Variants in PTPRK observed in about 807,000 individuals in gnomAD.
PTPRK encodes the protein protein tyrosine phosphatase receptor type K.
A neutral mutation model predicts 178.0 loss-of-function variants in PTPRK; 75 were observed. That is an observed-to-expected ratio of 0.42 (90% CI 0.35 to 0.51). PTPRK has a LOEUF of 0.51. PTPRK is among the 20% of genes least tolerant of loss of function. PTPRK has a pLI of 0.02. For synonymous variants in PTPRK, 637 were observed against 620.6 expected, an observed-to-expected ratio of 1.03 and a Z score of -0.39; for missense variants, 1,441 against 1,797.8, an observed-to-expected ratio of 0.80 and a Z score of 3.59.
chr6:128,352,253 CAAAAAA>C (rs10665459), intron 2 of PTPRK, among the ~76,000 whole-genome samples: 1 of 94,986 alleles, frequency 1.1e-5, no homozygotes, highest in African/African-American at 4.2e-5. Flanking sequence ...GACTTCATCT[CAAAAAA>C]AAAAAAAAAA....
At chr6:128,462,983 T>G (rs991305715) in intron 1 of PTPRK, among the ~76,000 whole-genome samples, 1 of 152,258 alleles carries the variant, frequency 6.6e-6, no homozygotes, top group South Asian at 2.1e-4. Flanking sequence ...TTTAATTTCT[T>G]CGTTAAATAT....
intron 1 of PTPRK, among the ~76,000 whole-genome samples, chr6:128,517,489 T>C (rs1858254829): frequency 6.6e-6 from 1 of 152,222 alleles, no homozygotes; most frequent in African/African-American, 2.4e-5. Flanking sequence ...TCCTCAGATA[T>C]GACATGGGTG....
chr6:128,169,703 GACATA>G (rs1037088103), intron 7 of PTPRK, among the ~76,000 whole-genome samples: 38 of 151,440 alleles, frequency 2.5e-4, no homozygotes, highest in African/African-American at 9.0e-4. Context: ...TTAATACATA[GACATA>G]ACATAATTTA....
intron 13 of PTPRK, among the ~76,000 whole-genome samples, chr6:128,039,021 T>TA (rs1246233881): frequency 6.6e-6 from 1 of 152,192 alleles, no homozygotes; most frequent in Admixed American, 6.5e-5. Flanking sequence ...GTTTGGAATG[T>TA]AAATTTGTAT....
intron 13 of PTPRK, among the ~76,000 whole-genome samples, chr6:128,042,182 C>G (rs958606852): frequency 1.3e-5 from 2 of 152,016 alleles, no homozygotes; most frequent in Non-Finnish European, 2.9e-5. Context: ...TTCTTCCAAG[C>G]TTCTGCCCAC....
intron 1 of PTPRK, among the ~76,000 whole-genome samples, chr6:128,489,984 GCTA>G (rs1217046597): frequency 1.3e-5 from 2 of 152,032 alleles, no homozygotes; most frequent in Non-Finnish European, 2.9e-5. Flanking sequence ...ACGAAAAAAC[GCTA>G]CTACATTTTA....
At chr6:128,402,588 C>G (rs962521793) in intron 1 of PTPRK, among the ~76,000 whole-genome samples, 3 of 152,152 alleles carry the variant, frequency 2.0e-5, no homozygotes, top group Non-Finnish European at 4.4e-5. Context: ...CCTATTTCCT[C>G]TGAAATATAC....
In PTPRK at chr6:128,200,306, T is replaced by C. The variant is rs151243987; in HGVS notation, c.869-15581A>G. Among the ~76,000 whole-genome samples the C allele has an allele frequency of 8.2e-4, 125 of 152,320 alleles. 1 individual carries two copies. The highest frequency in any genetic ancestry group is 2.8e-3 in the African/African-American group (118 of 41,578). The stretch of plus-strand genomic sequence containing the variant: ...AGGTAAGCAAATGTAGAAATGGAGC[T>C]ACTCTGCAAATGAGTCATTTAAAAG... On this transcript the variant is annotated intron_variant, in intron 6 of 29. Coordinates refer to ENST00000368226, the MANE Select transcript of PTPRK (RefSeq NM_002844.4).
At chr6:128,371,559 A>C (rs998269960) in intron 2 of PTPRK, among the ~76,000 whole-genome samples, 19 of 152,206 alleles carry the variant, frequency 1.2e-4, no homozygotes, top group African/African-American at 4.6e-4. Context: ...ATATTTCAAC[A>C]GTAGTTCATA....
chr6:128,181,435 C>A (rs2114685666), intron 7 of PTPRK, among the ~76,000 whole-genome samples: 1 of 151,950 alleles, frequency 6.6e-6, no homozygotes, highest in South Asian at 2.1e-4. Context: ...ATATTAATGG[C>A]AAATTCTACA....
At chr6:128,440,895 T>A (rs1846200776) in intron 1 of PTPRK, among the ~76,000 whole-genome samples, 3 of 152,120 alleles carry the variant, frequency 2.0e-5, no homozygotes, top group African/African-American at 7.2e-5. Flanking sequence ...ACGGTGAATA[T>A]CTTGTACGTA....
At chr6:128,071,118 T>A (rs1205308366) in intron 11 of PTPRK, among the ~76,000 whole-genome samples, 1 of 148,982 alleles carries the variant, frequency 6.7e-6, no homozygotes, top group Non-Finnish European at 1.5e-5. Flanking sequence ...ATAGAGAGGT[T>A]AAAAAAAAAA....
intron 1 of PTPRK, among the ~76,000 whole-genome samples, chr6:128,436,943 G>A (rs1562520139): frequency 6.6e-6 from 1 of 152,122 alleles, no homozygotes; most frequent in Non-Finnish European, 1.5e-5. Context: ...TATAGTTAGC[G>A]ATACTGTATT....
At chr6:128,345,379 T>C (rs1832299572) in intron 2 of PTPRK, among the ~76,000 whole-genome samples, 1 of 152,158 alleles carries the variant, frequency 6.6e-6, no homozygotes, top group African/African-American at 2.4e-5. Flanking sequence ...AAGTATCAAA[T>C]AAACAGTAGC....
chr6:128,267,210 C>A (rs553413593), intron 3 of PTPRK, among the ~76,000 whole-genome samples: 1 of 152,098 alleles, frequency 6.6e-6, no homozygotes, highest in South Asian at 2.1e-4. Flanking sequence ...GCCATAAATG[C>A]ATCTTTAAAC....
At chr6:128,329,749 C>A (rs1419148484) in intron 2 of PTPRK, among the ~76,000 whole-genome samples, 1 of 151,454 alleles carries the variant, frequency 6.6e-6, no homozygotes, top group African/African-American at 2.4e-5. Context: ...ACTCAGTGTA[C>A]CATTTCAAAT....
chr6:128,385,403 G>C (rs550707394), intron 2 of PTPRK, among the ~76,000 whole-genome samples: 28 of 152,144 alleles, frequency 1.8e-4, no homozygotes, highest in Admixed American at 1.4e-3. Flanking sequence ...TATAAGGCTT[G>C]CATGAAAAAG....
rs1224001761 is a variant in PTPRK, at chr6:128,288,737, GC to G, written c.495+33301del. 9.9e-5 allele frequency among the ~76,000 whole-genome samples: 15 copies of G among 152,156 alleles called. No individual in the cohort carries two copies. The East Asian group carries it at 2.3e-3, about 23-fold the overall frequency. On this transcript the variant is annotated intron_variant, in intron 3 of 29. Transcript: ENST00000368226. The stretch of plus-strand genomic sequence containing the variant: ...AAAAACTGTTTATTCATCCTCATAT[GC>G]TTGAAATACTCTCCCCCTTCACACT...
intron 13 of PTPRK, among the ~76,000 whole-genome samples, chr6:128,034,719 T>C (rs556088135): frequency 3.3e-5 from 5 of 152,300 alleles, no homozygotes; most frequent in Admixed American, 2.0e-4. Flanking sequence ...GTTTGTTTTG[T>C]TGTTAATTTG....
Sources: allele counts gnomAD v4.1 joint callset (sites outside exome capture counted in the v4.1 genomes callset), GRCh38; gene constraint gnomAD v4.1.1; transcripts MANE v1.5; gene names NCBI Gene and HGNC (gene_info 2026-07-23, HGNC 2026-07-21).